The following GRIA1 variants were observed in gnomAD, a reference collection of about 807,000 sequenced individuals.
The protein encoded by GRIA1 is glutamate receptor 1.
A neutral mutation model predicts 99.2 loss-of-function variants in GRIA1; 31 were observed. The observed-to-expected ratio is 0.31, with a 90% CI of 0.23 to 0.42. The LOEUF (loss-of-function observed/expected upper bound fraction) is 0.42. Among genes scored for constraint, GRIA1 ranks in the 10% least tolerant of loss-of-function variants. GRIA1 has a pLI of 1.00. For missense variants in GRIA1, 782 were observed against 1,157.5 expected, an observed-to-expected ratio of 0.68 and a Z score of 4.71; for synonymous variants, 438 against 432.4, an observed-to-expected ratio of 1.01 and a Z score of -0.16.
In GRIA1 at chr5:153,644,425, G is replaced by C. The variant is rs73278103; in HGVS notation, c.221-2503G>C. On this transcript the variant is annotated intron_variant, in intron 2 of 15. Coordinates refer to ENST00000285900, the MANE Select transcript of GRIA1 (RefSeq NM_000827.4). Reference sequence around the variant, plus strand: ...TGACCCAACAGTCACATCTCTGTTTGGGTTCAGCTCCTCCTCAGCCCCTGC... The same window carrying C: ...TGACCCAACAGTCACATCTCTGTTTCGGTTCAGCTCCTCCTCAGCCCCTGC... Among the ~76,000 whole-genome samples the C allele has an allele frequency of 8.8e-3, 1,345 of 152,178 alleles. 15 individuals are homozygous for C. Among genetic ancestry groups the C allele is most frequent in the African/African-American group, 0.03 (1,264 of 41,514 alleles).
At chr5:153,498,319 T>C (rs1051237762) in intron 2 of GRIA1, among the ~76,000 whole-genome samples, 2 of 152,190 alleles carry the variant, frequency 1.3e-5, no homozygotes, top group Non-Finnish European at 2.9e-5. Flanking sequence ...AGCACTGCAA[T>C]GTTGTCTGTG....
At chr5:153,572,845 T>A (rs1310387501) in intron 2 of GRIA1, among the ~76,000 whole-genome samples, 1 of 152,194 alleles carries the variant, frequency 6.6e-6, no homozygotes, top group Non-Finnish European at 1.5e-5. Context: ...TGAATTTTCA[T>A]TGGCTCTAGG....
intron 2 of GRIA1, among the ~76,000 whole-genome samples, chr5:153,589,161 A>G (rs961057004): frequency 6.6e-6 from 1 of 152,180 alleles, no homozygotes; most frequent in Non-Finnish European, 1.5e-5. Context: ...GTATGTTAAC[A>G]TCATCAACAT....
intron 11 of GRIA1, among the ~76,000 whole-genome samples, chr5:153,726,603 A>G (rs1760552401): frequency 6.6e-6 from 1 of 152,240 alleles, no homozygotes; most frequent in African/African-American, 2.4e-5. Flanking sequence ...TCAGAATACT[A>G]CAAACACCTC....
intron 2 of GRIA1, among the ~76,000 whole-genome samples, chr5:153,580,467 T>C (rs188054990): frequency 6.6e-6 from 1 of 152,312 alleles, no homozygotes; most frequent in East Asian, 1.9e-4. Context: ...TGGATGAACA[T>C]GAGTATTAGG....
chr5:153,654,581 C>T (rs1429324925), intron 4 of GRIA1, among the ~76,000 whole-genome samples: 1 of 152,164 alleles, frequency 6.6e-6, no homozygotes, highest in Non-Finnish European at 1.5e-5. Context: ...ATTTCACAAT[C>T]TAACCACTAT....
intron 2 of GRIA1, among the ~76,000 whole-genome samples, chr5:153,600,260 C>G (rs551279617): frequency 6.6e-6 from 1 of 151,756 alleles, no homozygotes; most frequent in African/African-American, 2.4e-5. Flanking sequence ...GGCGTGGTGG[C>G]GGGCGCCTGT....
At chr5:153,566,854 T>A (rs985423174) in intron 2 of GRIA1, among the ~76,000 whole-genome samples, 1 of 151,354 alleles carries the variant, frequency 6.6e-6, no homozygotes, top group Non-Finnish European at 1.5e-5. Context: ...GTAGCTGGGA[T>A]TACAGGTGTG....
intron 2 of GRIA1, among the ~76,000 whole-genome samples, chr5:153,548,023 C>T (rs1361599895): frequency 6.6e-6 from 1 of 152,132 alleles, no homozygotes; most frequent in Non-Finnish European, 1.5e-5. Context: ...GGTAAATGAA[C>T]CCCTTCTCAT....
At chr5:153,688,566 A>G (rs1452019471) in intron 8 of GRIA1, among the ~76,000 whole-genome samples, 19 of 152,198 alleles carry the variant, frequency 1.2e-4, no homozygotes, top group Non-Finnish European at 1.5e-5. Flanking sequence ...GCTATAGTAA[A>G]TGTTGAAGAG....
At chr5:153,644,976 T>A (rs1309406453) in intron 2 of GRIA1, among the ~76,000 whole-genome samples, 1 of 151,934 alleles carries the variant, frequency 6.6e-6, no homozygotes, top group Non-Finnish European at 1.5e-5. Flanking sequence ...TGGTCAGATG[T>A]TGAGACTTTT....
intron 10 of GRIA1, among the ~76,000 whole-genome samples, chr5:153,701,553 G>A (rs1048380245): frequency 2.8e-5 from 4 of 142,294 alleles, no homozygotes; most frequent in East Asian, 2.3e-4. Context: ...CCTGGGAGGC[G>A]GAGCTTGCAA....
At chr5:153,656,917 T>C (rs1281920816) in intron 5 of GRIA1, among the ~76,000 whole-genome samples, 1 of 152,198 alleles carries the variant, frequency 6.6e-6, no homozygotes, top group Non-Finnish European at 1.5e-5. Context: ...CGTATGTATT[T>C]GCCTGTTTGG....
At chr5:153,752,622 A>G (rs1325416407) in intron 11 of GRIA1, among the ~76,000 whole-genome samples, 2 of 152,188 alleles carry the variant, frequency 1.3e-5, no homozygotes, top group Non-Finnish European at 1.5e-5. Flanking sequence ...CTGTGAGCCC[A>G]TGGAAGGGAG....
At chr5:153,597,925 T>C (rs895978928) in intron 2 of GRIA1, among the ~76,000 whole-genome samples, 5 of 151,910 alleles carry the variant, frequency 3.3e-5, no homozygotes, top group African/African-American at 1.2e-4. Context: ...GTTGGGAGGA[T>C]TGCTTGAGCC....
chr5:153,807,766 C>G (rs1766539125), intron 15 of GRIA1, among the ~76,000 whole-genome samples: 1 of 152,230 alleles, frequency 6.6e-6, no homozygotes, highest in Non-Finnish European at 1.5e-5. Context: ...CTGCCCCTCC[C>G]CTCTGCCTGG....
At chr5:153,623,341 G>A (rs565902218) in intron 2 of GRIA1, among the ~76,000 whole-genome samples, 13 of 152,286 alleles carry the variant, frequency 8.5e-5, no homozygotes, top group South Asian at 2.1e-4. Flanking sequence ...TAGCACGAGA[G>A]GATGAAATCT....
chr5:153,759,876 G>T (rs183395599), intron 11 of GRIA1, among the ~76,000 whole-genome samples: 1 of 152,126 alleles, frequency 6.6e-6, no homozygotes, highest in South Asian at 2.1e-4. Flanking sequence ...GCCCAGGGAT[G>T]CAAGAATGGT....
chr5:153,490,560 G>A (rs1453517118), upstream of GRIA1: 1 of 410,398 alleles, frequency 2.4e-6, no homozygotes, highest in Admixed American at 3.8e-5. Flanking sequence ...GAGGGGGAGA[G>A]CGAGAGAGAG....
Sources: allele counts gnomAD v4.1 joint callset (sites outside exome capture counted in the v4.1 genomes callset), GRCh38; gene constraint gnomAD v4.1.1; transcripts MANE v1.5; gene names NCBI Gene and HGNC (gene_info 2026-07-23, HGNC 2026-07-21).